OPCML: variants seen among roughly 807,000 people sequenced by gnomAD.
OPCML encodes opioid binding protein/cell adhesion molecule like.
In OPCML, 13 loss-of-function variants were observed where a neutral mutation model predicts 37.8. That is an observed-to-expected ratio of 0.34 (90% CI 0.22 to 0.55). The LOEUF (loss-of-function observed/expected upper bound fraction) is 0.55, where lower values mean the gene tolerates loss of function less well. Ranked by LOEUF, OPCML falls within the 20% of genes least tolerant of loss-of-function variation. The probability of loss-of-function intolerance (pLI) is 0.91; values close to 1 mark genes in which losing one functional copy is unlikely to be tolerated. For synonymous variants in OPCML, 176 were observed against 168.8 expected (o/e 1.04, Z -0.33); for missense variants, 341 against 435.6 (o/e 0.78, Z 1.93).
intron 1 of OPCML, among the ~76,000 whole-genome samples, chr11:133,058,562 C>G (rs1948282589): frequency 6.6e-6 from 1 of 152,178 alleles, no homozygotes; most frequent in Admixed American, 6.5e-5. Context: ...TGATGCACCT[C>G]CTAGAGCCTA....
At chr11:132,644,976 G>A (rs1941070097) in intron 3 of OPCML, among the ~76,000 whole-genome samples, 1 of 152,188 alleles carries the variant, frequency 6.6e-6, no homozygotes. Flanking sequence ...GAACACAGTT[G>A]CTAACTGGTC....
chr11:133,365,159 A>G (rs1944512165), intron 1 of OPCML: 1 of 152,300 alleles, frequency 6.6e-6, no homozygotes, highest in African/African-American at 2.4e-5. Context: ...CAGCAGAGTT[A>G]CACAGGCCTG....
chr11:132,788,264 C>T (rs1196015081), intron 2 of OPCML, among the ~76,000 whole-genome samples: 2 of 152,108 alleles, frequency 1.3e-5, no homozygotes, highest in African/African-American at 4.8e-5. Context: ...ACTCTTTCTC[C>T]AGGAAAGGGT....
chr11:133,422,640 A>G, intron 1 of OPCML: 10 of 978,410 alleles, frequency 1.0e-5, no homozygotes, highest in Non-Finnish European at 1.2e-5. Context: ...TATGGGTGTG[A>G]ACCACTGAGC....
chr11:132,687,592 C>T (rs1943222898), intron 2 of OPCML, among the ~76,000 whole-genome samples: 1 of 151,230 alleles, frequency 6.6e-6, no homozygotes, highest in Admixed American at 6.6e-5. Flanking sequence ...TTTAATCCCT[C>T]AAATACTCAG....
chr11:133,407,424 G>T (rs1318618359), intron 1 of OPCML, among the ~76,000 whole-genome samples: 1 of 152,144 alleles, frequency 6.6e-6, no homozygotes, highest in Non-Finnish European at 1.5e-5. Flanking sequence ...TGCACATTTT[G>T]TGCTTGAGAG....
chr11:132,546,434 C>G (rs2096368796), intron 3 of OPCML, among the ~76,000 whole-genome samples: 1 of 152,148 alleles, frequency 6.6e-6, no homozygotes, highest in South Asian at 2.1e-4. Context: ...TCACCCTTCT[C>G]CCACCCTTTC....
intron 2 of OPCML, among the ~76,000 whole-genome samples, chr11:132,893,900 A>G (rs1301875749): frequency 3.3e-5 from 5 of 152,182 alleles, no homozygotes; most frequent in African/African-American, 9.7e-5. Context: ...AGTGCTGCAT[A>G]CTTGTTTCTT....
At chr11:132,444,045 C>T (rs1185648799) in intron 4 of OPCML, among the ~76,000 whole-genome samples, 1 of 152,168 alleles carries the variant, frequency 6.6e-6, no homozygotes, top group African/African-American at 2.4e-5. Flanking sequence ...GTCACAGGCT[C>T]AAAGTGGACC....
intron 1 of OPCML, among the ~76,000 whole-genome samples, chr11:133,036,355 A>G (rs1020858069): frequency 6.6e-6 from 1 of 152,248 alleles, no homozygotes; most frequent in Non-Finnish European, 1.5e-5. Context: ...TAAGATTGCA[A>G]AGATCAATAA....
chr11:133,140,688 G>GGAAGACGGAAGAA (rs1204887220), intron 1 of OPCML, among the ~76,000 whole-genome samples: 2 of 101,240 alleles, frequency 2.0e-5, no homozygotes, highest in African/African-American at 3.3e-5. Context: ...GAAGAAAGAT[G>GGAAGACGGAAGAA]GAAGACGGAA....
chr11:132,864,957 G>A (rs1354263935), intron 2 of OPCML, among the ~76,000 whole-genome samples: 1 of 152,246 alleles, frequency 6.6e-6, no homozygotes, highest in African/African-American at 2.4e-5. Context: ...CCATGCTGGT[G>A]GGAGAGCGGA....
At chr11:132,857,397 A>C (rs992393666) in intron 2 of OPCML, among the ~76,000 whole-genome samples, 7 of 152,256 alleles carry the variant, frequency 4.6e-5, no homozygotes, top group African/African-American at 1.7e-4. Flanking sequence ...ATTTTAATGT[A>C]ACAGAGGAAG....
chr11:133,287,992 T>G (rs1942354120), intron 1 of OPCML, among the ~76,000 whole-genome samples: 1 of 152,178 alleles, frequency 6.6e-6, no homozygotes, highest in Non-Finnish European at 1.5e-5. Flanking sequence ...TGGCTGATGC[T>G]AACTACATGC....
intron 3 of OPCML, among the ~76,000 whole-genome samples, chr11:132,632,833 A>G (rs1197447993): frequency 5.3e-5 from 8 of 152,052 alleles, no homozygotes; most frequent in South Asian, 2.1e-4. Context: ...ACTCCTTCCA[A>G]CTGTTCAGAT....
At chr11:133,046,837 A>G (rs1035163266) in intron 1 of OPCML, among the ~76,000 whole-genome samples, 1 of 151,794 alleles carries the variant, frequency 6.6e-6, no homozygotes, top group Non-Finnish European at 1.5e-5. Flanking sequence ...AAACATATCA[A>G]CTCTTCCAGA....
At chr11:132,442,986 A>C (rs948085404) in intron 4 of OPCML, among the ~76,000 whole-genome samples, 1 of 152,204 alleles carries the variant, frequency 6.6e-6, no homozygotes, top group South Asian at 2.1e-4. Context: ...CAAAACAAAA[A>C]AAACTTGGTG....
chr11:132,998,478 C>G (rs138505110), intron 1 of OPCML, among the ~76,000 whole-genome samples: 1 of 152,288 alleles, frequency 6.6e-6, no homozygotes, highest in African/African-American at 2.4e-5. Context: ...GTCTTATTTT[C>G]TTTAACTTCT....
chr11:133,300,938 G>A (rs1376205533), intron 1 of OPCML: 4 of 152,186 alleles, frequency 2.6e-5, no homozygotes, highest in African/African-American at 9.7e-5. Flanking sequence ...CAGGAGTACA[G>A]CCAGTCAACA....
Sources: gnomAD v4.1 joint callset for allele counts (sites outside exome capture counted in the v4.1 genomes callset) on GRCh38, gnomAD v4.1.1 for gene constraint, MANE v1.5 for transcripts, NCBI Gene and HGNC (gene_info 2026-07-23, HGNC 2026-07-21) for gene names.